The following TWSG1 variants were observed in gnomAD, a reference collection of about 807,000 sequenced individuals.
TWSG1 encodes the protein twisted gastrulation BMP signaling modulator 1.
In TWSG1, 15 loss-of-function variants were observed where a neutral mutation model predicts 23.0. That is an observed-to-expected ratio of 0.65 (90% CI 0.44 to 1.00). TWSG1 has a LOEUF of 1.00. Ranked by LOEUF, TWSG1 falls within the 50% of genes least tolerant of loss-of-function variation. The pLI is 0.00. For synonymous variants in TWSG1, 86 were observed against 92.8 expected, an observed-to-expected ratio of 0.93 and a Z score of 0.42; for missense variants, 242 against 278.7, an observed-to-expected ratio of 0.87 and a Z score of 0.94.
At chr18:9,343,416 G>A (rs2040456935) in intron 2 of TWSG1, among the ~76,000 whole-genome samples, 1 of 151,552 alleles carries the variant, frequency 6.6e-6, no homozygotes, top group Admixed American at 6.6e-5. Context: ...TTAAAAAACA[G>A]TTTTATTGAG....
At chr18:9,397,461 G>A (rs2040742505) in intron 4 of TWSG1, among the ~76,000 whole-genome samples, 1 of 152,152 alleles carries the variant, frequency 6.6e-6, no homozygotes, top group South Asian at 2.1e-4. Context: ...ACAAATTACA[G>A]AAGCATATTT....
rs374235204 is a variant in TWSG1 at position 9,396,274 on chromosome 18, A to C, written c.224-6A>C. ...ACAAAATCTTATGATATTACCCCCA[A>C]CCCAGGTATGTGTAATCCTCGAAAT... On this transcript the variant is annotated splice_polypyrimidine_tract_variant and splice_region_variant and intron_variant, in intron 3 of 4. Coordinates refer to ENST00000262120, the MANE Select transcript of TWSG1 (RefSeq NM_020648.6). 1 of 1,613,396 alleles carries C rather than the reference A, an allele frequency of 6.2e-7. No individual in the cohort carries two copies. The highest frequency in any genetic ancestry group is 1.1e-5 in the South Asian group (1 of 91,046).
At chr18:9,363,382 G>A (rs903526429) in intron 3 of TWSG1, among the ~76,000 whole-genome samples, 11 of 151,716 alleles carry the variant, frequency 7.3e-5, no homozygotes, top group Non-Finnish European at 1.2e-4. Flanking sequence ...AGAGTACAGT[G>A]ATACGTACTA....
intron 3 of TWSG1, among the ~76,000 whole-genome samples, chr18:9,368,961 T>C (rs1346064134): frequency 7.0e-6 from 1 of 143,310 alleles, no homozygotes; most frequent in Non-Finnish European, 1.5e-5. Context: ...AAAAAAAAAT[T>C]AGCTGAGTGT....
intron 3 of TWSG1, 129 bp from the exon 4 acceptor site, chr18:9,396,151 A>C: frequency 6.5e-5 from 22 of 339,224 alleles, no homozygotes; most frequent in Non-Finnish European, 6.1e-5. Context: ...ACCCAGCAAA[A>C]AAAAAAAAAA....
chr18:9,367,103 T>G (rs867057211), intron 3 of TWSG1, among the ~76,000 whole-genome samples: 1 of 152,126 alleles, frequency 6.6e-6, no homozygotes, highest in Non-Finnish European at 1.5e-5. Flanking sequence ...CGCTAATTTT[T>G]AAATTTTTTG....
chr18:9,399,128 C>A (rs1025142379), intron 4 of TWSG1, among the ~76,000 whole-genome samples: 3 of 152,168 alleles, frequency 2.0e-5, no homozygotes, highest in Admixed American at 6.5e-5. Flanking sequence ...GCTAAGGAAG[C>A]CCTTTGCCTT....
intron 3 of TWSG1, among the ~76,000 whole-genome samples, chr18:9,387,323 C>T (rs551391398): frequency 1.1e-4 from 17 of 152,132 alleles, no homozygotes; most frequent in South Asian, 2.1e-4. Flanking sequence ...TTAAATTTGG[C>T]GTTAATTTTT....
chr18:9,383,068 G>A (rs1356846459), intron 3 of TWSG1, among the ~76,000 whole-genome samples: 1 of 152,076 alleles, frequency 6.6e-6, no homozygotes, highest in Non-Finnish European at 1.5e-5. Context: ...AGAATGATGA[G>A]TGAGAGAGGT....
intron 3 of TWSG1, among the ~76,000 whole-genome samples, chr18:9,369,407 T>C (rs1366214640): frequency 6.6e-6 from 1 of 151,998 alleles, no homozygotes; most frequent in East Asian, 1.9e-4. Context: ...TAGTTGGGAT[T>C]ACAGGTGCCC....
intron 3 of TWSG1, among the ~76,000 whole-genome samples, chr18:9,375,745 C>T (rs1260761138): frequency 2.0e-5 from 3 of 152,080 alleles, no homozygotes; most frequent in South Asian, 4.2e-4. Flanking sequence ...TATATTAGCA[C>T]CCCCAAATAC....
intron 2 of TWSG1, among the ~76,000 whole-genome samples, chr18:9,343,407 T>TA (rs999152400): frequency 3.9e-5 from 6 of 151,972 alleles, no homozygotes; most frequent in African/African-American, 1.2e-4. Context: ...AGATTTTTTT[T>TA]AAAAAACAGT....
chr18:9,372,099 A>G (rs189146778), intron 3 of TWSG1, among the ~76,000 whole-genome samples: 16 of 151,972 alleles, frequency 1.1e-4, no homozygotes, highest in Non-Finnish European at 1.8e-4. Context: ...AACAGATGAC[A>G]GCTCTTTCAA....
chr18:9,342,172 G>A (rs2040449211), intron 2 of TWSG1, among the ~76,000 whole-genome samples: 1 of 152,196 alleles, frequency 6.6e-6, no homozygotes, highest in South Asian at 2.1e-4. Context: ...TCTGGAACCA[G>A]GCTATCTGAA....
At chr18:9,335,145 C>T (rs1001689847) in intron 1 of TWSG1, among the ~76,000 whole-genome samples, 2 of 152,130 alleles carry the variant, frequency 1.3e-5, no homozygotes, top group East Asian at 1.9e-4. Context: ...TTGGTCCAGA[C>T]CATCTCTGGG....
intron 4 of TWSG1, 49 bp from the exon 5 acceptor site, chr18:9,399,297 T>G (rs1342641438): frequency 7.3e-7 from 1 of 1,378,168 alleles, no homozygotes; most frequent in Non-Finnish European, 9.9e-7. Flanking sequence ...ATTTTATTTT[T>G]TTGTTTTTCT....
At chr18:9,350,924 TTTTATTTA>T (rs914004048) in intron 2 of TWSG1, among the ~76,000 whole-genome samples, 5 of 152,158 alleles carry the variant, frequency 3.3e-5, no homozygotes, top group East Asian at 3.9e-4. Context: ...TAATTGAATA[TTTTATTTA>T]TTTATTTATT....
chr18:9,393,896 C>G (rs973149457), intron 3 of TWSG1, among the ~76,000 whole-genome samples: 7 of 152,118 alleles, frequency 4.6e-5, no homozygotes, highest in African/African-American at 1.4e-4. Context: ...TTGAAATAAT[C>G]TCAAATATAG....
Position 9,367,887 on chromosome 18 carries a change from G to T in TWSG1, c.223+7816G>T, listed in dbSNP as rs181593100. Among the ~76,000 whole-genome samples, 342 of 152,158 alleles carry T rather than the reference G, an allele frequency of 2.2e-3. 1 individual carries two copies. The highest frequency in any genetic ancestry group is 7.5e-3 in the African/African-American group (312 of 41,502). On this transcript the variant is annotated intron_variant, in intron 3 of 4. Coordinates refer to ENST00000262120, the MANE Select transcript of TWSG1 (RefSeq NM_020648.6). The stretch of plus-strand genomic sequence containing the variant: ...TTATATTGTATAAATATACCACATT[G>T]TACATATCCACATTTTCTTTATCCA...
Sources: gnomAD v4.1 joint callset for allele counts (sites outside exome capture counted in the v4.1 genomes callset) on GRCh38, gnomAD v4.1.1 for gene constraint, MANE v1.5 for transcripts, NCBI Gene and HGNC (gene_info 2026-07-23, HGNC 2026-07-21) for gene names.